Variants in RGL1 observed in about 807,000 individuals in gnomAD.
RGL1 encodes the protein ral guanine nucleotide dissociation stimulator-like 1.
A neutral mutation model predicts 95.2 loss-of-function variants in RGL1; 24 were observed. The observed-to-expected ratio is 0.25, with a 90% CI of 0.18 to 0.35. The LOEUF (loss-of-function observed/expected upper bound fraction) is 0.35, where lower values mean the gene tolerates loss of function less well. Among genes scored for constraint, RGL1 ranks in the 10% least tolerant of loss-of-function variants. The pLI is 1.00. For missense variants in RGL1, 715 were observed against 936.3 expected, an observed-to-expected ratio of 0.76 and a Z score of 3.08; for synonymous variants, 329 against 344.9, an observed-to-expected ratio of 0.95 and a Z score of 0.51.
chr1:183,861,053 C>G (rs1460135285), intron 3 of RGL1, among the ~76,000 whole-genome samples: 1 of 152,146 alleles, frequency 6.6e-6, no homozygotes, highest in Non-Finnish European at 1.5e-5. Flanking sequence ...TTAATTTAAG[C>G]CTTCTGGGCC....
intron 2 of RGL1, among the ~76,000 whole-genome samples, chr1:183,777,223 CA>C (rs1310600719): frequency 6.6e-6 from 1 of 152,204 alleles, no homozygotes; most frequent in Non-Finnish European, 1.5e-5. Context: ...CTTTGTAATA[CA>C]AAGTTAACTT....
intron 3 of RGL1, among the ~76,000 whole-genome samples, chr1:183,857,617 G>A (rs1279493416): frequency 6.6e-6 from 1 of 152,168 alleles, no homozygotes; most frequent in African/African-American, 2.4e-5. Flanking sequence ...GAGCCAGAAT[G>A]TGATGGGCAT....
At chr1:183,640,901 C>A (rs1333455634) in intron 1 of RGL1, among the ~76,000 whole-genome samples, 2 of 152,108 alleles carry the variant, frequency 1.3e-5, no homozygotes, top group Admixed American at 6.6e-5. Flanking sequence ...TATTGACTTT[C>A]GCTTTATGAC....
chr1:183,752,707 T>TCTCC (rs1337166963), intron 2 of RGL1, among the ~76,000 whole-genome samples: 1 of 143,424 alleles, frequency 7.0e-6, no homozygotes, highest in African/African-American at 2.7e-5. Flanking sequence ...TCTCTCTCTT[T>TCTCC]CCCCTTTCCT....
At chr1:183,922,744 C>T (rs1231511722) in intron 17 of RGL1, among the ~76,000 whole-genome samples, 2 of 152,144 alleles carry the variant, frequency 1.3e-5, no homozygotes, top group Non-Finnish European at 2.9e-5. Flanking sequence ...TTTAGTGGTT[C>T]CTGTAATAAT....
chr1:183,871,193 G>A (rs1028970437), intron 4 of RGL1, among the ~76,000 whole-genome samples: 1 of 152,206 alleles, frequency 6.6e-6, no homozygotes, highest in Non-Finnish European at 1.5e-5. Context: ...TTCTCTGTTG[G>A]AAAGTGTGTT....
intron 1 of RGL1, among the ~76,000 whole-genome samples, chr1:183,661,010 G>A (rs1486970068): frequency 2.0e-5 from 3 of 152,096 alleles, no homozygotes; most frequent in Non-Finnish European, 4.4e-5. Context: ...TGAAACCAAC[G>A]AGAACAAAGA....
At chr1:183,921,227 A>G (rs1049080729) in intron 16 of RGL1, among the ~76,000 whole-genome samples, 3 of 152,204 alleles carry the variant, frequency 2.0e-5, no homozygotes, top group Non-Finnish European at 4.4e-5. Context: ...CTTTTAAAAC[A>G]CTTACAAGCT....
At chr1:183,883,945 C>T (rs758876715) in intron 6 of RGL1, 35 bp downstream of exon 6, 3 of 1,610,032 alleles carry the variant, frequency 1.9e-6, no homozygotes, top group Non-Finnish European at 2.5e-6. Flanking sequence ...TGTACTTTCA[C>T]TTAAAACATA....
intron 2 of RGL1, among the ~76,000 whole-genome samples, chr1:183,767,669 C>T (rs1323345355): frequency 6.6e-6 from 1 of 152,104 alleles, no homozygotes; most frequent in Non-Finnish European, 1.5e-5. Context: ...AAAAGAATTG[C>T]TGGCCGGGTA....
intron 2 of RGL1, among the ~76,000 whole-genome samples, chr1:183,744,727 G>A (rs947159732): frequency 1.3e-5 from 2 of 151,942 alleles, no homozygotes; most frequent in African/African-American, 4.8e-5. Context: ...GCTGACATAT[G>A]TAGTTTCACT....
chr1:183,736,480 C>T (rs914638803), intron 1 of RGL1, among the ~76,000 whole-genome samples: 1 of 152,192 alleles, frequency 6.6e-6, no homozygotes, highest in Non-Finnish European at 1.5e-5. Context: ...TAACTCAGGT[C>T]TTGTGACTAG....
At chr1:183,856,677 G>A (rs1665172221) in intron 3 of RGL1, among the ~76,000 whole-genome samples, 1 of 150,416 alleles carries the variant, frequency 6.6e-6, no homozygotes, top group African/African-American at 2.4e-5. Flanking sequence ...TTAAAAAAAG[G>A]TAGATTGCTG....
intron 1 of RGL1, among the ~76,000 whole-genome samples, chr1:183,663,962 A>C (rs965960712): frequency 1.3e-5 from 2 of 150,830 alleles, no homozygotes; most frequent in Non-Finnish European, 1.5e-5. Flanking sequence ...CCATTGCAAG[A>C]ACAAAAAACC....
At chr1:183,820,281 G>A (rs1159523289) in intron 2 of RGL1, among the ~76,000 whole-genome samples, 1 of 152,064 alleles carries the variant, frequency 6.6e-6, no homozygotes, top group Non-Finnish European at 1.5e-5. Context: ...AAATTAGAAA[G>A]GTTACTTTCT....
At chr1:183,665,055 C>T (rs954963982) in intron 1 of RGL1, among the ~76,000 whole-genome samples, 1 of 151,920 alleles carries the variant, frequency 6.6e-6, no homozygotes, top group Non-Finnish European at 1.5e-5. Flanking sequence ...CCTGTCTATT[C>T]CTAGTTTGCA....
rs1659027752 is a variant in RGL1, at chr1:183,767,347, G to C, written c.132+25058G>C. ...TAAATGAAAATTAAAAGCAAAAACAGATAAATAGGAAGCCCCAAATTTTTC... is the reference window on the plus strand; with the variant it reads ...TAAATGAAAATTAAAAGCAAAAACACATAAATAGGAAGCCCCAAATTTTTC... On this transcript the variant is annotated intron_variant, in intron 2 of 18. Transcript: ENST00000304685. Among the ~76,000 whole-genome samples, 4 of 151,666 alleles carry C rather than the reference G, an allele frequency of 2.6e-5. No homozygotes were observed. The South Asian group carries it at 6.3e-4, about 24-fold the overall frequency.
intron 5 of RGL1, among the ~76,000 whole-genome samples, chr1:183,882,714 C>T (rs188254486): frequency 2.6e-5 from 4 of 152,306 alleles, no homozygotes; most frequent in Admixed American, 2.6e-4. Flanking sequence ...CAGATAACCA[C>T]ATGCTGCCCT....
intron 1 of RGL1, among the ~76,000 whole-genome samples, chr1:183,708,292 G>A (rs1020734345): frequency 2.6e-5 from 4 of 152,198 alleles, no homozygotes; most frequent in Middle Eastern, 3.4e-3. Context: ...CTGGACGGCC[G>A]GAGGGAGATG....
Sources: gnomAD v4.1 joint callset for allele counts (sites outside exome capture counted in the v4.1 genomes callset) on GRCh38, gnomAD v4.1.1 for gene constraint, MANE v1.5 for transcripts, NCBI Gene and HGNC (gene_info 2026-07-23, HGNC 2026-07-21) for gene names.